Variants in GTF3C5 observed in about 807,000 individuals in gnomAD.
GTF3C5 encodes general transcription factor IIIC subunit 5, also known as general transcription factor 3C polypeptide 5.
In GTF3C5, 47 loss-of-function variants were observed where a neutral mutation model predicts 61.0. The observed-to-expected ratio is 0.77, with a 90% CI of 0.61 to 0.98. The LOEUF is 0.98. Ranked by LOEUF, GTF3C5 falls within the 50% of genes least tolerant of loss-of-function variation. GTF3C5 has a pLI of 0.00. For synonymous variants in GTF3C5, 295 were observed against 275.4 expected (o/e 1.07, Z -0.71); for missense variants, 659 against 703.3 (o/e 0.94, Z 0.71).
intron 5 of GTF3C5, 61 bp from the exon 6 acceptor site, chr9:133,053,766 TG>T: frequency 9.3e-7 from 1 of 1,070,430 alleles, no homozygotes; most frequent in Non-Finnish European, 1.4e-6. Flanking sequence ...CTGTAGGCTC[TG>T]GCCCGTCCAG....
chr9:133,038,011 A>C (rs1480036930), intron 1 of GTF3C5, among the ~76,000 whole-genome samples: 2 of 152,154 alleles, frequency 1.3e-5, no homozygotes. Flanking sequence ...GCACAATCTA[A>C]GCTGATCTCG....
intron 1 of GTF3C5, among the ~76,000 whole-genome samples, chr9:133,041,619 T>C (rs948451320): frequency 6.6e-6 from 1 of 152,162 alleles, no homozygotes; most frequent in Admixed American, 6.5e-5. Context: ...CAGCCAGACA[T>C]TTGGGGCCAC....
Position 133,056,828 on chromosome 9 carries a change from G to A in GTF3C5, c.1313G>A (p.Trp438Ter). ...AENSCTERDG[W>*]CLPKTSDELR... ...AATTCCTGCACAGAACGGGATGGGT[G>A]GTGCCTCCCCAAGACCAGCGACGAG... The change falls in exon 10 of 11, where the codon TGG becomes TAG. Residue 438 changes from tryptophan to a stop codon, truncating the protein, a stop_gained. Transcript: ENST00000372097. LOFTEE classifies it high-confidence loss of function. 6.2e-7 allele frequency: 1 copy of A among 1,611,922 alleles called. No homozygotes were observed. Among genetic ancestry groups the A allele is most frequent in the Non-Finnish European group, 8.5e-7 (1 of 1,179,030 alleles).
At chr9:133,047,345 T>G (rs1038915068) in intron 3 of GTF3C5, among the ~76,000 whole-genome samples, 18 of 152,278 alleles carry the variant, frequency 1.2e-4, no homozygotes, top group African/African-American at 3.9e-4. Context: ...TTTTTTCTGA[T>G]TGTAAGAATA....
At chr9:133,042,029 C>T in intron 1 of GTF3C5, 58 bp from the exon 2 acceptor site, 1 of 1,178,858 alleles carries the variant, frequency 8.5e-7, no homozygotes, top group East Asian at 2.4e-5. Context: ...AGGAGCAGCT[C>T]CCCACTGGCT....
chr9:133,049,169 A>C (rs142075598), intron 3 of GTF3C5, among the ~76,000 whole-genome samples: 1 of 152,310 alleles, frequency 6.6e-6, no homozygotes, highest in Non-Finnish European at 1.5e-5. Flanking sequence ...ACTTAGAATC[A>C]TGGTGACACA....
intron 1 of GTF3C5, among the ~76,000 whole-genome samples, chr9:133,041,579 C>G (rs1850040576): frequency 6.6e-6 from 1 of 152,194 alleles, no homozygotes; most frequent in African/African-American, 2.4e-5. Context: ...TACCCTGCCC[C>G]TTTTGCTTTG....
intron 3 of GTF3C5, chr9:133,044,146 CAAAAAAAAAAAAAA>C (rs34524914): frequency 9.9e-6 from 1 of 101,316 alleles, no homozygotes; most frequent in Non-Finnish European, 1.8e-5. Context: ...CTTTGTCTCC[CAAAAAAAAAAAAAA>C]AAAAAAAAAG....
intron 1 of GTF3C5, among the ~76,000 whole-genome samples, chr9:133,034,191 T>G (rs1419695467): frequency 6.6e-6 from 1 of 152,302 alleles, no homozygotes; most frequent in South Asian, 2.1e-4. Flanking sequence ...TTAGAGTTTT[T>G]GTTTGAGTTT....
intron 1 of GTF3C5, among the ~76,000 whole-genome samples, chr9:133,037,551 A>G (rs1044876053): frequency 6.6e-6 from 1 of 152,116 alleles, no homozygotes; most frequent in African/African-American, 2.4e-5. Flanking sequence ...GTCTTCCCCA[A>G]TTCCCTTCCC....
intron 5 of GTF3C5, among the ~76,000 whole-genome samples, chr9:133,052,406 C>G (rs56272996): frequency 0.024 from 3,330 of 136,938 alleles, 55 homozygotes; most frequent in East Asian, 0.082. Flanking sequence ...TCCTTCCCCC[C>G]TGTCCTGGCC....
intron 3 of GTF3C5, chr9:133,044,145 CCAAAAAAAAAAA>C: frequency 2.8e-5 from 4 of 140,864 alleles, no homozygotes; most frequent in Non-Finnish European, 5.4e-5. Flanking sequence ...ACTTTGTCTC[CCAAAAAAAAAAA>C]AAAAAAAAAA....
rs1169476508 is a variant in GTF3C5, at chr9:133,058,111, C to G, written c.*131C>G. 2.0e-6 allele frequency: 3 copies of G among 1,510,992 alleles called. No homozygotes were observed. The highest frequency in any genetic ancestry group is 2.6e-6 in the Non-Finnish European group (3 of 1,134,456). 93.6% of individuals were successfully genotyped at this position (1,510,992 alleles called of 1,614,324 possible). A position where few individuals can be genotyped will look rare whatever the true frequency, so the allele number is the denominator to read the frequency against. ...AGGCCCTCTGAGGAGAGCTAGAGTC[C>G]CAGCAAAGGGTGCAGCTGACCCTAG... is the stretch of plus-strand genomic sequence containing the variant. On this transcript the variant is annotated 3_prime_UTR_variant, in exon 11 of 11. Coordinates refer to ENST00000372097, the MANE Select transcript of GTF3C5 (RefSeq NM_012087.4).
At chr9:133,055,074 C>T (rs1237298556) in intron 8 of GTF3C5, 2 of 1,550,958 alleles carry the variant, frequency 1.3e-6, no homozygotes, top group Non-Finnish European at 1.7e-6. Context: ...TGTGGTTGTC[C>T]TTCTCGAGCC....
Position 133,056,107 on chromosome 9 carries a change from G to A in GTF3C5, c.1250+13G>A. On this transcript the variant is annotated intron_variant, in intron 9 of 10. Coordinates refer to ENST00000372097, the MANE Select transcript of GTF3C5 (RefSeq NM_012087.4). ...TGAATGTGGAAGAGTACGTATGGGA[G>A]GGGCCCTGAGACACTGAGGGGGGCC... 6.2e-7 allele frequency: 1 copy of A among 1,611,466 alleles called. No individual in the cohort carries two copies. The highest frequency in any genetic ancestry group is 8.5e-7 in the Non-Finnish European group (1 of 1,177,716).
At chr9:133,053,702 A>G in intron 5 of GTF3C5, 126 bp from the exon 6 acceptor site, 2 of 568,404 alleles carry the variant, frequency 3.5e-6, no homozygotes, top group Non-Finnish European at 6.3e-6. Context: ...GTGGCAGAGC[A>G]GGGCTGGGCA....
At chr9:133,034,296 G>C (rs941300545) in intron 1 of GTF3C5, among the ~76,000 whole-genome samples, 12 of 152,046 alleles carry the variant, frequency 7.9e-5, no homozygotes, top group African/African-American at 2.7e-4. Flanking sequence ...GCCCTTTAAG[G>C]CTCCATACTT....
chr9:133,030,898 G>A (rs1466251802), upstream of GTF3C5: 4 of 1,233,754 alleles, frequency 3.2e-6, no homozygotes, highest in African/African-American at 5.9e-5. Context: ...GGGGAGTTAG[G>A]ATGACGCGAG....
At chr9:133,048,825 GC>G (rs1850285001) in intron 3 of GTF3C5, among the ~76,000 whole-genome samples, 1 of 152,206 alleles carries the variant, frequency 6.6e-6, no homozygotes, top group Admixed American at 6.5e-5. Flanking sequence ...GGGCCCCAAG[GC>G]CCCCCTCCCT....
Sources: allele counts gnomAD v4.1 joint callset (sites outside exome capture counted in the v4.1 genomes callset), GRCh38; gene constraint gnomAD v4.1.1; transcripts MANE v1.5; gene names NCBI Gene and HGNC (gene_info 2026-07-23, HGNC 2026-07-21).